Variants in HERC4 observed in about 807,000 individuals in gnomAD.
HERC4 encodes HECT and RLD domain containing E3 ubiquitin protein ligase 4, also known as probable E3 ubiquitin-protein ligase HERC4.
A neutral mutation model predicts 124.3 loss-of-function variants in HERC4; 28 were observed. The observed-to-expected ratio is 0.23, with a 90% CI of 0.17 to 0.31. The LOEUF is 0.31. HERC4 is among the 10% of genes least tolerant of loss of function. The probability of loss-of-function intolerance (pLI) is 1.00; values close to 1 mark genes in which losing one functional copy is unlikely to be tolerated. For synonymous variants in HERC4, 407 were observed against 421.5 expected (o/e 0.97, Z 0.42); for missense variants, 713 against 1,229.3 (o/e 0.58, Z 6.28).
At position 68,059,872 on chromosome 10, in the gene HERC4, TA is replaced by T. The variant is rs572146166; in HGVS notation, c.226+13010del. On this transcript the variant is annotated intron_variant, in intron 3 of 24. Coordinates refer to ENST00000373700, the MANE Select transcript of HERC4 (RefSeq NM_015601.4). ...TTATATATCATAATATTATATATTA[TA>T]ATAATATTATATATCATAATATTAT... is the stretch of plus-strand genomic sequence containing the variant. 9.7e-4 allele frequency among the ~76,000 whole-genome samples: 74 copies of T among 76,248 alleles called. 10 individuals are homozygous for T. Among genetic ancestry groups the T allele is most frequent in the Admixed American group, 2.6e-3 (13 of 4,950 alleles). 50.0% of individuals were successfully genotyped at this position (76,248 alleles called of 152,430 possible). A position where few individuals can be genotyped will look rare whatever the true frequency, so the allele number is the denominator to read the frequency against.
At position 67,922,985 on chromosome 10, in the gene HERC4, T is replaced by C; in HGVS notation, c.3096A>G (p.Leu1032=). ...CAATAGCTTGGATCAGTTTAGAGCG[T>C]AGAGTTTCTTTTTCTGTATATTTTG... ...DLPKYTEKET[L]RSKLIQAIDH... is the part of the protein sequence containing the mutation. The change falls in exon 25 of 25, where the codon CTA becomes CTG. Residue 1032 remains leucine, a synonymous_variant. Transcript: ENST00000373700. 3.7e-6 allele frequency: 6 copies of C among 1,613,904 alleles called. No individual in the cohort carries two copies. The highest frequency in any genetic ancestry group is 5.1e-6 in the Non-Finnish European group (6 of 1,179,818).
At chr10:68,026,669 C>G (rs1044087965) in intron 7 of HERC4, among the ~76,000 whole-genome samples, 1 of 151,988 alleles carries the variant, frequency 6.6e-6, no homozygotes, top group Non-Finnish European at 1.5e-5. Flanking sequence ...AGGTGAAACC[C>G]TGTCACTACT....
intron 24 of HERC4, 87 bp from the exon 25 acceptor site, chr10:67,923,226 G>A: frequency 1.0e-6 from 1 of 977,114 alleles, no homozygotes; most frequent in South Asian, 1.5e-5. Flanking sequence ...CTACAGCAGA[G>A]CTTCACTTTA....
At chr10:68,039,763 T>C (rs2039667541) in intron 4 of HERC4, 7 of 1,210,572 alleles carry the variant, frequency 5.8e-6, no homozygotes, top group Non-Finnish European at 7.2e-6. Context: ...TACCCAACTG[T>C]GCTCAAATTA....
intron 5 of HERC4, 105 bp downstream of exon 5, chr10:68,037,988 G>A (rs945290189): frequency 3.0e-6 from 2 of 656,086 alleles, no homozygotes; most frequent in South Asian, 1.9e-5. Context: ...TCAAGAACCA[G>A]GGCAATCTTG....
Position 68,002,599 on chromosome 10 carries a change from CTTTTTTT to C in HERC4, c.1070-9924_1070-9918del, listed in dbSNP as rs375700847. Among the ~76,000 whole-genome samples the C allele has an allele frequency of 3.8e-5, 5 of 132,588 alleles. 1 individual carries two copies. Among genetic ancestry groups the C allele is most frequent in the Non-Finnish European group, 4.8e-5 (3 of 63,108 alleles). The allele number at this position is 132,588 out of a possible 152,430, so 87.0% of individuals were successfully genotyped here. On this transcript the variant is annotated intron_variant, in intron 9 of 24. Coordinates refer to ENST00000373700, the MANE Select transcript of HERC4 (RefSeq NM_015601.4). ...AAATGTTTAATTTTTTAAATTTTTA[CTTTTTTT>C]TTTTTTTTTTGAGATGGATTCTCAC...
At chr10:68,029,798 G>A (rs1219987812) in intron 7 of HERC4, among the ~76,000 whole-genome samples, 11 of 150,308 alleles carry the variant, frequency 7.3e-5, no homozygotes, top group Admixed American at 6.6e-4. Context: ...GAGTACAGTG[G>A]CACAGCCTCA....
At chr10:67,941,669 C>CTTTTTTTT (rs755666986) in intron 19 of HERC4, among the ~76,000 whole-genome samples, 2 of 91,762 alleles carry the variant, frequency 2.2e-5, no homozygotes, top group African/African-American at 8.1e-5. Flanking sequence ...TAAAACACAA[C>CTTTTTTTT]TTTTTTTTTT....
intron 3 of HERC4, among the ~76,000 whole-genome samples, chr10:68,060,750 T>C (rs1305775774): frequency 6.6e-6 from 1 of 152,180 alleles, no homozygotes; most frequent in Non-Finnish European, 1.5e-5. Context: ...GGCTTCTACC[T>C]AGTAACTCTT....
intron 19 of HERC4, among the ~76,000 whole-genome samples, chr10:67,952,621 G>A (rs967739511): frequency 4.6e-5 from 7 of 151,792 alleles, no homozygotes; most frequent in African/African-American, 9.7e-5. Context: ...ATTGGAGGCC[G>A]GGCGCGGTGG....
intron 9 of HERC4, chr10:68,007,644 C>T (rs183358528): frequency 8.4e-4 from 128 of 152,074 alleles, no homozygotes; most frequent in African/African-American, 3.0e-3. Flanking sequence ...GTGTAATGAT[C>T]TCAATTCTTC....
intron 7 of HERC4, among the ~76,000 whole-genome samples, chr10:68,027,653 T>C (rs2038973279): frequency 6.6e-6 from 1 of 152,222 alleles, no homozygotes; most frequent in Non-Finnish European, 1.5e-5. Flanking sequence ...TGGGGCACGG[T>C]GGCTCACGCC....
intron 24 of HERC4, among the ~76,000 whole-genome samples, chr10:67,923,659 G>T (rs991162611): frequency 6.6e-6 from 1 of 151,952 alleles, no homozygotes; most frequent in African/African-American, 2.4e-5. Flanking sequence ...CTGGGCTCAA[G>T]CAATCCTCTC....
chr10:68,038,182 A>G lies in HERC4; in HGVS notation c.387-13T>C. 1 of 1,292,006 alleles carries G rather than the reference A, an allele frequency of 7.7e-7. No individual in the cohort carries two copies. The highest frequency in any genetic ancestry group is 1.1e-6 in the Non-Finnish European group (1 of 934,712). 80.0% of individuals were successfully genotyped at this position (1,292,006 alleles called of 1,614,324 possible). On this transcript the variant is annotated splice_polypyrimidine_tract_variant and intron_variant, in intron 4 of 24. Transcript: ENST00000373700. ...ACTTTTAATATTTCTAGAAAAGAAG[A>G]AGACAGATCAAGACCAGTTAATTCC... is the stretch of plus-strand genomic sequence containing the variant.
At chr10:67,998,190 C>G (rs971377554) in intron 9 of HERC4, among the ~76,000 whole-genome samples, 31 of 151,492 alleles carry the variant, frequency 2.0e-4, no homozygotes, top group African/African-American at 7.0e-4. Context: ...AGCCAGTGTA[C>G]CCGGCTGGAA....
intron 4 of HERC4, among the ~76,000 whole-genome samples, chr10:68,042,521 G>A (rs1409188281): frequency 7.2e-5 from 11 of 152,166 alleles, no homozygotes; most frequent in Non-Finnish European, 1.5e-4. Context: ...TACTAGGGAG[G>A]CTGTGGTGGG....
intron 7 of HERC4, among the ~76,000 whole-genome samples, chr10:68,030,246 C>T (rs2039132028): frequency 6.6e-6 from 1 of 151,640 alleles, no homozygotes; most frequent in African/African-American, 2.4e-5. Flanking sequence ...TCAAGACCAC[C>T]CTGGCCAACA....
rs1282685989 is a variant in HERC4 at position 68,068,849 on chromosome 10, CTCTT to C, written c.226+4030_226+4033del. The C allele has an allele frequency of 4.4e-5, 7 of 159,814 alleles. 1 individual carries two copies. The Admixed American group carries it at 4.6e-4, about 10-fold the overall frequency. 9.9% of individuals were successfully genotyped at this position (159,814 alleles called of 1,614,324 possible). Reference sequence around the variant, plus strand: ...GTGCTAGCCAAGTGACCCTATTAGTCTCTTAATCTCTTTTAACCTCAGTGTCCTC... The same window carrying C: ...GTGCTAGCCAAGTGACCCTATTAGTCAATCTCTTTTAACCTCAGTGTCCTC... On this transcript the variant is annotated intron_variant, in intron 3 of 24. Transcript: ENST00000373700.
chr10:68,039,937 T>C lies in HERC4; in HGVS notation c.387-1768A>G, dbSNP rs544668386. The C allele has an allele frequency of 4.3e-6, 4 of 933,460 alleles. No homozygotes were observed. The South Asian group carries it at 1.4e-4, about 34-fold the overall frequency. The allele number at this position is 933,460 out of a possible 1,614,324, so 57.8% of individuals were successfully genotyped here. On this transcript the variant is annotated intron_variant, in intron 4 of 24. Coordinates refer to ENST00000373700, the MANE Select transcript of HERC4 (RefSeq NM_015601.4). Reference sequence around the variant, plus strand: ...ACATTCTCACAGTACTGTATGTTTTTTCCTTCAGAGCATTTATCGCTACTA... The same window carrying C: ...ACATTCTCACAGTACTGTATGTTTTCTCCTTCAGAGCATTTATCGCTACTA...
Sources: allele counts gnomAD v4.1 joint callset (sites outside exome capture counted in the v4.1 genomes callset), GRCh38; gene constraint gnomAD v4.1.1; transcripts MANE v1.5; gene names NCBI Gene and HGNC (gene_info 2026-07-23, HGNC 2026-07-21).